Variants in EPB41 observed in about 807,000 individuals in gnomAD.
The protein encoded by EPB41 is protein 4.1.
Under a neutral mutation model 108.0 loss-of-function variants are expected in EPB41, and 65 were observed. The observed-to-expected ratio is 0.60, with a 90% CI of 0.49 to 0.74. The LOEUF (loss-of-function observed/expected upper bound fraction) is 0.74, where lower values mean the gene tolerates loss of function less well. Among genes scored for constraint, EPB41 ranks in the 30% least tolerant of loss-of-function variants. The probability of loss-of-function intolerance (pLI) is 0.00; values close to 1 mark genes in which losing one functional copy is unlikely to be tolerated. For synonymous variants in EPB41, 336 were observed against 358.9 expected (o/e 0.94, Z 0.72); for missense variants, 875 against 1,037.0 (o/e 0.84, Z 2.15).
intron 7 of EPB41, among the ~76,000 whole-genome samples, chr1:29,027,781 A>G (rs1305459727): frequency 6.6e-6 from 1 of 152,196 alleles, no homozygotes; most frequent in Non-Finnish European, 1.5e-5. Context: ...GCCAAACTTC[A>G]AATATAAATA....
chr1:28,926,567 A>G (rs1277676830), intron 1 of EPB41, among the ~76,000 whole-genome samples: 1 of 152,232 alleles, frequency 6.6e-6, no homozygotes, highest in Admixed American at 6.5e-5. Flanking sequence ...GTCAAAGCCA[A>G]TGATTTCTTA....
chr1:28,914,436 G>A (rs2092425778), upstream of EPB41: 1 of 152,528 alleles, frequency 6.6e-6, no homozygotes, highest in South Asian at 2.1e-4. Flanking sequence ...CCAATGGGCG[G>A]ACGGGCCGCG....
At chr1:29,015,922 T>A (rs2096572287) in intron 6 of EPB41, among the ~76,000 whole-genome samples, 155 bp downstream of exon 6, 1 of 152,218 alleles carries the variant, frequency 6.6e-6, no homozygotes, top group Non-Finnish European at 1.5e-5. Flanking sequence ...TCTGGTCACT[T>A]CAAGGCAGGC....
At chr1:28,967,647 C>T (rs575772057) in intron 1 of EPB41, among the ~76,000 whole-genome samples, 131 of 151,882 alleles carry the variant, frequency 8.6e-4, no homozygotes, top group Non-Finnish European at 1.6e-3. Context: ...ACTCTGTTTC[C>T]GAGGCTGGAG....
At chr1:28,972,390 T>G (rs1433827200) in intron 1 of EPB41, among the ~76,000 whole-genome samples, 1 of 152,206 alleles carries the variant, frequency 6.6e-6, no homozygotes, top group African/African-American at 2.4e-5. Flanking sequence ...CCAGACATCT[T>G]TTAAGTATAT....
At chr1:29,098,944 C>T (rs1443914558) in intron 17 of EPB41, among the ~76,000 whole-genome samples, 3 of 150,908 alleles carry the variant, frequency 2.0e-5, no homozygotes, top group South Asian at 4.2e-4. Context: ...AGGCTAGTCT[C>T]GAACTCCTGA....
At chr1:28,992,290 T>G (rs1460126143) in intron 2 of EPB41, among the ~76,000 whole-genome samples, 2 of 152,226 alleles carry the variant, frequency 1.3e-5, no homozygotes, top group African/African-American at 4.8e-5. Flanking sequence ...TTTAATTGTT[T>G]TCCAGCTGTT....
chr1:29,013,092 G>A (rs540350943), intron 5 of EPB41, among the ~76,000 whole-genome samples: 7 of 152,030 alleles, frequency 4.6e-5, no homozygotes, highest in African/African-American at 1.7e-4. Flanking sequence ...GCTAAGAAAA[G>A]GAACCTTAAT....
chr1:28,887,610 G>A lies in EPB41; in HGVS notation c.-8+400G>A, dbSNP rs757470700. ...TTGCCCGGCCCCGCATGCTCCTGCCGGGCCCGCAGCAGCGCTGGAGCGGGC... is the reference window on the plus strand; with the variant it reads ...TTGCCCGGCCCCGCATGCTCCTGCCAGGCCCGCAGCAGCGCTGGAGCGGGC... On this transcript the variant is annotated intron_variant, in intron 1 of 16. Transcript: ENST00000347529. This position sits in a 1 kb window ranked among gnomAD's most constrained non-coding sequence, Gnocchi z 4.9. 1 of 985,256 alleles carries A rather than the reference G, an allele frequency of 1.0e-6. No individual in the cohort carries two copies. Among genetic ancestry groups the A allele is most frequent in the African/African-American group, 1.7e-5 (1 of 57,328 alleles). 61.0% of individuals were successfully genotyped at this position (985,256 alleles called of 1,614,324 possible).
At chr1:29,014,963 T>C (rs552739754) in intron 5 of EPB41, among the ~76,000 whole-genome samples, 12 of 151,898 alleles carry the variant, frequency 7.9e-5, no homozygotes, top group Non-Finnish European at 1.2e-4. Context: ...CTGGGCAACA[T>C]AGGGAGACCC....
intron 1 of EPB41, among the ~76,000 whole-genome samples, chr1:28,921,827 G>C (rs900056286): frequency 1.2e-4 from 18 of 150,720 alleles, no homozygotes; most frequent in African/African-American, 3.4e-4. Flanking sequence ...AAGCTTTCTG[G>C]CATCCTCAAC....
At chr1:29,066,236 T>C (rs1252985912) in intron 16 of EPB41, among the ~76,000 whole-genome samples, 1 of 151,944 alleles carries the variant, frequency 6.6e-6, no homozygotes, top group Admixed American at 6.6e-5. Context: ...CTGGCCAGCA[T>C]GGTGAAACCC....
chr1:28,990,316 C>T lies in EPB41; in HGVS notation c.468+2411C>T, dbSNP rs112040944. Among the ~76,000 whole-genome samples the T allele has an allele frequency of 5.4e-3, 571 of 106,456 alleles. 4 individuals carry two copies. Among genetic ancestry groups the T allele is most frequent in the Middle Eastern group, 0.014 (3 of 208 alleles). 69.8% of individuals were successfully genotyped at this position (106,456 alleles called of 152,430 possible). On this transcript the variant is annotated intron_variant, in intron 2 of 20. Coordinates refer to ENST00000343067, the MANE Select transcript of EPB41 (RefSeq NM_001376013.1). ...TCAAATTTCCTTCCTTCCTTCCTTCCTTCCTTCCTTCCTTCCTTCCCTCCC... is the reference window on the plus strand; with the variant it reads ...TCAAATTTCCTTCCTTCCTTCCTTCTTTCCTTCCTTCCTTCCTTCCCTCCC...
chr1:29,113,601 G>A (rs1669929268), intron 19 of EPB41, among the ~76,000 whole-genome samples: 1 of 152,230 alleles, frequency 6.6e-6, no homozygotes, highest in Non-Finnish European at 1.5e-5. Flanking sequence ...GGTGAAAGGT[G>A]TTTGAGGTTT....
chr1:29,016,595 C>T (rs2096582440), intron 6 of EPB41, among the ~76,000 whole-genome samples: 1 of 152,094 alleles, frequency 6.6e-6, no homozygotes, highest in Non-Finnish European at 1.5e-5. Flanking sequence ...ATCCCCTGAA[C>T]TGAATCTTCC....
At chr1:29,026,840 T>A (rs1158483117) in intron 7 of EPB41, among the ~76,000 whole-genome samples, 1 of 150,638 alleles carries the variant, frequency 6.6e-6, no homozygotes, top group Non-Finnish European at 1.5e-5. Flanking sequence ...ACACCTTTAA[T>A]CCCAGCACTT....
chr1:28,980,137 A>G (rs2149420196), intron 1 of EPB41, among the ~76,000 whole-genome samples: 1 of 152,252 alleles, frequency 6.6e-6, no homozygotes. Context: ...GTTCGAGACC[A>G]GCCTGGCAAA....
At chr1:29,006,142 T>C (rs779471070) in intron 4 of EPB41, among the ~76,000 whole-genome samples, 1 of 152,230 alleles carries the variant, frequency 6.6e-6, no homozygotes, top group Non-Finnish European at 1.5e-5. Context: ...CTTTGAGAAA[T>C]TGGTTTGCAT....
chr1:28,911,065 C>T (rs1054952422), upstream of EPB41: 4 of 985,190 alleles, frequency 4.1e-6, no homozygotes, highest in South Asian at 4.7e-5. Flanking sequence ...GGACTGGATA[C>T]CTGGTTTGCA....
Sources: allele counts gnomAD v4.1 joint callset (sites outside exome capture counted in the v4.1 genomes callset), GRCh38; gene constraint gnomAD v4.1.1; non-coding constraint Gnocchi (gnomAD v3.1); transcripts MANE v1.5; gene names NCBI Gene and HGNC (gene_info 2026-07-23, HGNC 2026-07-21).